Variants in CALN1 observed in about 807,000 individuals in gnomAD.
CALN1 encodes the protein calcium-binding protein 8.
Under a neutral mutation model 30.6 loss-of-function variants are expected in CALN1, and 17 were observed. That is an observed-to-expected ratio of 0.56 (90% CI 0.38 to 0.83). CALN1 has a LOEUF of 0.83. Ranked by LOEUF, CALN1 falls within the 40% of genes least tolerant of loss-of-function variation. The probability of loss-of-function intolerance (pLI) is 0.00; values close to 1 mark genes in which losing one functional copy is unlikely to be tolerated. For synonymous variants in CALN1, 156 were observed against 131.4 expected (o/e 1.19, Z -1.28); for missense variants, 291 against 354.9 (o/e 0.82, Z 1.45).
chr7:71,873,160 C>T (rs1006025000), intron 5 of CALN1, among the ~76,000 whole-genome samples: 4 of 151,612 alleles, frequency 2.6e-5, no homozygotes, highest in South Asian at 2.1e-4. Context: ...CCCACCACCA[C>T]GCCTGGCTAA....
intron 4 of CALN1, among the ~76,000 whole-genome samples, chr7:72,044,084 G>A (rs372114575): frequency 2.6e-4 from 40 of 151,332 alleles, no homozygotes; most frequent in African/African-American, 9.0e-4. Flanking sequence ...CACAACACGC[G>A]GGAATTCAAG....
chr7:72,161,326 C>G (rs1221811124), intron 3 of CALN1, among the ~76,000 whole-genome samples: 2 of 152,118 alleles, frequency 1.3e-5, no homozygotes, highest in South Asian at 2.1e-4. Context: ...AAATATCTAC[C>G]TCTTTCACCT....
intron 2 of CALN1, among the ~76,000 whole-genome samples, chr7:72,390,286 C>T (rs373440711): frequency 2.9e-4 from 44 of 151,984 alleles, no homozygotes; most frequent in East Asian, 1.6e-3. Context: ...AAAAAATTAG[C>T]GGGGCATGGT....
chr7:72,414,548 G>A (rs192930405), upstream of CALN1, among the ~76,000 whole-genome samples: 22 of 152,272 alleles, frequency 1.4e-4, no homozygotes, highest in East Asian at 2.3e-3. Context: ...TCCCAGAGAC[G>A]TTACAGAACA....
intron 5 of CALN1, among the ~76,000 whole-genome samples, chr7:71,995,944 G>C (rs1218523525): frequency 2.0e-5 from 3 of 152,072 alleles, no homozygotes; most frequent in African/African-American, 7.2e-5. Context: ...CCTTGTTCCT[G>C]CTTAAGAATC....
At chr7:72,407,133 T>C (rs1165937079) in intron 1 of CALN1, among the ~76,000 whole-genome samples, 1 of 152,212 alleles carries the variant, frequency 6.6e-6, no homozygotes, top group South Asian at 2.1e-4. Flanking sequence ...GAAGTAATAT[T>C]GTTAAGAACA....
chr7:72,365,844 G>T (rs148057794), intron 2 of CALN1, among the ~76,000 whole-genome samples: 1 of 152,208 alleles, frequency 6.6e-6, no homozygotes, highest in South Asian at 2.1e-4. Flanking sequence ...CAGTGTGAGT[G>T]AGAGTATATG....
chr7:71,971,935 A>G (rs1797826114), intron 5 of CALN1, among the ~76,000 whole-genome samples: 1 of 97,282 alleles, frequency 1.0e-5, no homozygotes, highest in Non-Finnish European at 1.9e-5. Flanking sequence ...TGTCTCAAAA[A>G]AAAAAAAAAA....
intron 5 of CALN1, among the ~76,000 whole-genome samples, chr7:71,824,802 G>A (rs1788817097): frequency 6.6e-6 from 1 of 152,152 alleles, no homozygotes; most frequent in South Asian, 2.1e-4. Context: ...GACGATCAAT[G>A]GGTCAGAACT....
chr7:71,809,788 C>T (rs894827542), intron 6 of CALN1, among the ~76,000 whole-genome samples: 3 of 151,856 alleles, frequency 2.0e-5, no homozygotes, highest in African/African-American at 7.3e-5. Flanking sequence ...TCTTCTGTAA[C>T]TACTTGGTTA....
intron 6 of CALN1, among the ~76,000 whole-genome samples, chr7:71,803,692 C>G (rs1787438938): frequency 6.6e-6 from 1 of 152,104 alleles, no homozygotes; most frequent in Non-Finnish European, 1.5e-5. Context: ...CCAGGCTGGT[C>G]TCGAACTCCT....
chr7:72,309,461 AAC>A (rs1472905912), intron 2 of CALN1, among the ~76,000 whole-genome samples: 1 of 152,238 alleles, frequency 6.6e-6, no homozygotes, highest in Non-Finnish European at 1.5e-5. Context: ...GTGGCCTGGA[AAC>A]ACAGCCCTGG....
chr7:71,992,034 T>A (rs1038301766), intron 5 of CALN1, among the ~76,000 whole-genome samples: 1 of 152,082 alleles, frequency 6.6e-6, no homozygotes, highest in African/African-American at 2.4e-5. Context: ...CCTTACCTGT[T>A]AATACATTGT....
At chr7:72,254,889 C>T (rs1244240043) in intron 3 of CALN1, among the ~76,000 whole-genome samples, 1 of 152,054 alleles carries the variant, frequency 6.6e-6, no homozygotes, top group Non-Finnish European at 1.5e-5. Flanking sequence ...GCCTCAGCCT[C>T]CCAAGAAGCT....
At chr7:72,341,466 T>C (rs1802380876) in intron 2 of CALN1, among the ~76,000 whole-genome samples, 1 of 152,166 alleles carries the variant, frequency 6.6e-6, no homozygotes, top group Admixed American at 6.5e-5. Flanking sequence ...GAGGTTGCAG[T>C]GAGCCGAGAT....
At chr7:71,960,138 T>C (rs11980558) in intron 5 of CALN1, among the ~76,000 whole-genome samples, 44 of 1,010 alleles carry the variant, frequency 0.044, 1 homozygote, top group African/African-American at 0.2. Flanking sequence ...ATCTCAAAAA[T>C]AAATAAATAA....
At chr7:72,143,129 G>T (rs1285117941) in intron 3 of CALN1, among the ~76,000 whole-genome samples, 1 of 152,118 alleles carries the variant, frequency 6.6e-6, no homozygotes, top group African/African-American at 2.4e-5. Context: ...GACAGAGAAT[G>T]ACTTTGACGA....
chr7:72,081,176 C>T (rs1371317315), intron 4 of CALN1, among the ~76,000 whole-genome samples: 2 of 152,076 alleles, frequency 1.3e-5, no homozygotes, highest in African/African-American at 4.8e-5. Context: ...AAAAAACCAT[C>T]TTCAGAAACA....
chr7:72,362,891 G>T (rs956042156), intron 2 of CALN1, among the ~76,000 whole-genome samples: 1 of 152,210 alleles, frequency 6.6e-6, no homozygotes, highest in African/African-American at 2.4e-5. Flanking sequence ...AAATGAAGCA[G>T]ACTTCTAATG....
Sources: gnomAD v4.1 joint callset for allele counts (sites outside exome capture counted in the v4.1 genomes callset) on GRCh38, gnomAD v4.1.1 for gene constraint, MANE v1.5 for transcripts, NCBI Gene and HGNC (gene_info 2026-07-23, HGNC 2026-07-21) for gene names.